The following NUP210L variants were observed in gnomAD, a reference collection of about 807,000 sequenced individuals.
NUP210L encodes the protein nucleoporin 210 like.
Under a neutral mutation model 208.5 loss-of-function variants are expected in NUP210L, and 74 were observed. That is an observed-to-expected ratio of 0.35 (90% CI 0.29 to 0.43). The LOEUF (loss-of-function observed/expected upper bound fraction) is 0.43. Ranked by LOEUF, NUP210L falls within the 20% of genes least tolerant of loss-of-function variation. The probability of loss-of-function intolerance (pLI) is 1.00; values close to 1 mark genes in which losing one functional copy is unlikely to be tolerated. For synonymous variants in NUP210L, 780 were observed against 816.9 expected, an observed-to-expected ratio of 0.95 and a Z score of 0.77; for missense variants, 1,843 against 2,289.4, an observed-to-expected ratio of 0.81 and a Z score of 3.98.
chr1:154,142,208 A>G (rs1011334880), intron 3 of NUP210L, among the ~76,000 whole-genome samples: 4 of 152,078 alleles, frequency 2.6e-5, no homozygotes, highest in African/African-American at 9.7e-5. Context: ...GATTAAAAAA[A>G]CAAATCACTC....
At chr1:154,017,519 CTTTTTTTTT>C (rs553512184) in intron 33 of NUP210L, among the ~76,000 whole-genome samples, 1 of 127,982 alleles carries the variant, frequency 7.8e-6, no homozygotes, top group African/African-American at 2.9e-5. Context: ...TTCTTTCTTT[CTTTTTTTTT>C]TTTTTTTTGA....
chr1:154,085,788 T>G (rs1224920123), intron 16 of NUP210L, among the ~76,000 whole-genome samples: 29 of 152,252 alleles, frequency 1.9e-4, no homozygotes, highest in Admixed American at 1.9e-3. Context: ...TAATAGATTT[T>G]AGAGTCCAAA....
intron 27 of NUP210L, among the ~76,000 whole-genome samples, chr1:154,032,933 A>C (rs539671687): frequency 2.1e-5 from 3 of 144,180 alleles, no homozygotes; most frequent in African/African-American, 8.3e-5. Context: ...GCAAGACTAC[A>C]TCTCAAAAGA....
chr1:154,006,212 T>C (rs1385596915), intron 35 of NUP210L, among the ~76,000 whole-genome samples: 1 of 152,106 alleles, frequency 6.6e-6, no homozygotes, highest in Non-Finnish European at 1.5e-5. Context: ...AGAGTCTTGC[T>C]CTGTCACCAA....
chr1:153,993,028 TC>T lies in NUP210L; in HGVS notation c.5552del (p.Gly1851GlufsTer18), dbSNP rs1649563700. On this transcript the variant is annotated frameshift_variant, in exon 39 of 40. Transcript: ENST00000368559. LOFTEE classifies it low-confidence loss of function (END_TRUNC). Reference sequence around the variant, plus strand: ...AGGCTTTTTTACCTGGCTGTGGTGTTCCTAGAGTTGGTACATACACAACTGG... The same window carrying T: ...AGGCTTTTTTACCTGGCTGTGGTGTTCTAGAGTTGGTACATACACAACTGG... 1 of 1,613,834 alleles carries T rather than the reference TC, an allele frequency of 6.2e-7. No homozygotes were observed. The highest frequency in any genetic ancestry group is 8.5e-7 in the Non-Finnish European group (1 of 1,179,866).
At chr1:154,133,466 G>A (rs1275269491) in intron 7 of NUP210L, among the ~76,000 whole-genome samples, 2 of 151,174 alleles carry the variant, frequency 1.3e-5, no homozygotes, top group Admixed American at 1.3e-4. Flanking sequence ...TGGGAGGATT[G>A]CTCAAGGCTA....
At chr1:154,093,880 G>A (rs114147823) in intron 15 of NUP210L, among the ~76,000 whole-genome samples, 4,158 of 152,278 alleles carry the variant, frequency 0.027, 90 homozygotes, top group Non-Finnish European at 0.042. Context: ...GCTGGGTGTA[G>A]TGCGTCATGC....
chr1:154,144,409 CCTTT>C (rs1274371553), intron 2 of NUP210L, among the ~76,000 whole-genome samples: 2 of 152,116 alleles, frequency 1.3e-5, no homozygotes, highest in African/African-American at 4.8e-5. Context: ...TTTCTGTCTT[CCTTT>C]CTTTCAGTTA....
intron 3 of NUP210L, 116 bp from the exon 4 acceptor site, chr1:154,141,640 GA>G: frequency 1.5e-6 from 1 of 649,998 alleles, no homozygotes; most frequent in South Asian, 1.9e-5. Context: ...CTTTCATTAA[GA>G]AATAGAAAGC....
intron 27 of NUP210L, chr1:154,040,049 C>T (rs898638965): frequency 9.2e-5 from 14 of 152,056 alleles, no homozygotes; most frequent in East Asian, 1.9e-4. Flanking sequence ...AACGGGATCT[C>T]GCTCTATCTA....
chr1:154,066,967 A>G (rs180757976), intron 17 of NUP210L, among the ~76,000 whole-genome samples: 4 of 152,306 alleles, frequency 2.6e-5, no homozygotes, highest in African/African-American at 9.6e-5. Context: ...ACCAACCAAA[A>G]AAAGTCCAGG....
intron 33 of NUP210L, among the ~76,000 whole-genome samples, chr1:154,015,219 C>G (rs1228614453): frequency 2.0e-5 from 3 of 150,970 alleles, no homozygotes; most frequent in Non-Finnish European, 2.9e-5. Flanking sequence ...CTCCATGCCC[C>G]ACATATTTAT....
intron 30 of NUP210L, among the ~76,000 whole-genome samples, chr1:154,023,937 G>A (rs1330255329): frequency 6.6e-6 from 1 of 151,704 alleles, no homozygotes; most frequent in Non-Finnish European, 1.5e-5. Context: ...ACAGGCGCCC[G>A]CCACAATGCC....
chr1:154,147,392 C>T (rs967387475), intron 2 of NUP210L, among the ~76,000 whole-genome samples: 14 of 151,942 alleles, frequency 9.2e-5, no homozygotes, highest in African/African-American at 3.4e-4. Flanking sequence ...CTCTGGAGTG[C>T]AGCAGTTTGA....
At chr1:154,005,948 C>T (rs1056032945) in intron 35 of NUP210L, among the ~76,000 whole-genome samples, 1 of 151,988 alleles carries the variant, frequency 6.6e-6, no homozygotes, top group African/African-American at 2.4e-5. Context: ...TCTCGAACTC[C>T]CGACCTCAGG....
intron 5 of NUP210L, 112 bp downstream of exon 5, chr1:154,139,690 A>ACAAAC: frequency 2.0e-6 from 1 of 510,552 alleles, no homozygotes; most frequent in African/African-American, 2.0e-5. Context: ...AAACAAACAA[A>ACAAAC]AAAAAAAAAA....
intron 34 of NUP210L, among the ~76,000 whole-genome samples, chr1:154,010,826 C>T (rs1650864859): frequency 1.3e-5 from 2 of 151,870 alleles, no homozygotes; most frequent in Non-Finnish European, 2.9e-5. Context: ...GCCGAGATTG[C>T]GCCATTGCAC....
intron 35 of NUP210L, among the ~76,000 whole-genome samples, chr1:154,007,962 C>T (rs915392806): frequency 6.6e-6 from 1 of 151,556 alleles, no homozygotes; most frequent in Non-Finnish European, 1.5e-5. Context: ...ACCTCTGCCT[C>T]CTGGATTCAA....
intron 7 of NUP210L, among the ~76,000 whole-genome samples, chr1:154,129,725 G>A (rs1433292441): frequency 6.6e-6 from 1 of 152,232 alleles, no homozygotes; most frequent in Admixed American, 6.5e-5. Flanking sequence ...TGGCTAAAGG[G>A]ATGAACTGTT....
Sources: gnomAD v4.1 joint callset for allele counts (sites outside exome capture counted in the v4.1 genomes callset) on GRCh38, gnomAD v4.1.1 for gene constraint, MANE v1.5 for transcripts, NCBI Gene and HGNC (gene_info 2026-07-23, HGNC 2026-07-21) for gene names.